The following CBFA2T2 variants were observed in gnomAD, a reference collection of about 807,000 sequenced individuals.
CBFA2T2 encodes the protein protein CBFA2T2.
Under a neutral mutation model 62.2 loss-of-function variants are expected in CBFA2T2, and 11 were observed. The observed-to-expected ratio is 0.18, with a 90% CI of 0.11 to 0.29. The LOEUF (loss-of-function observed/expected upper bound fraction) is 0.29, where lower values mean the gene tolerates loss of function less well. CBFA2T2 is among the 10% of genes least tolerant of loss of function. The pLI is 1.00. For synonymous variants in CBFA2T2, 295 were observed against 287.5 expected (o/e 1.03, Z -0.27); for missense variants, 592 against 774.1 (o/e 0.76, Z 2.79).
At chr20:33,610,349 C>T (rs1025764765) in intron 2 of CBFA2T2, among the ~76,000 whole-genome samples, 9 of 152,144 alleles carry the variant, frequency 5.9e-5, no homozygotes, top group East Asian at 1.9e-4. Context: ...GGGTTGTTTT[C>T]GAAATTAAAA....
intron 1 of CBFA2T2, among the ~76,000 whole-genome samples, chr20:33,533,293 C>T (rs1386568945): frequency 6.6e-6 from 1 of 152,148 alleles, no homozygotes; most frequent in Non-Finnish European, 1.5e-5. Context: ...CTCCCATGCT[C>T]CCCCTGCCCT....
intron 1 of CBFA2T2, among the ~76,000 whole-genome samples, chr20:33,590,947 G>A (rs1045420151): frequency 6.6e-6 from 1 of 152,068 alleles, no homozygotes; most frequent in African/African-American, 2.4e-5. Flanking sequence ...GGCCGAGGCA[G>A]GCAGATCACT....
At chr20:33,633,704 C>T (rs1378489151) in intron 8 of CBFA2T2, among the ~76,000 whole-genome samples, 1 of 152,052 alleles carries the variant, frequency 6.6e-6, no homozygotes, top group East Asian at 1.9e-4. Context: ...TTTCCTCTGG[C>T]TGTGTGGGTG....
chr20:33,627,541 C>G (rs1175193833), intron 6 of CBFA2T2, among the ~76,000 whole-genome samples: 1 of 152,124 alleles, frequency 6.6e-6, no homozygotes, highest in African/African-American at 2.4e-5. Flanking sequence ...TGGGGTCTCA[C>G]TATATTGCCC....
At chr20:33,514,821 C>G (rs924331931) in intron 1 of CBFA2T2, among the ~76,000 whole-genome samples, 1 of 151,792 alleles carries the variant, frequency 6.6e-6, no homozygotes, top group Non-Finnish European at 1.5e-5. Flanking sequence ...CTCGGCCTCC[C>G]GAGTAGCTGG....
intron 1 of CBFA2T2, among the ~76,000 whole-genome samples, chr20:33,508,817 C>A (rs2011452036): frequency 6.6e-6 from 1 of 152,126 alleles, no homozygotes; most frequent in Admixed American, 6.6e-5. Flanking sequence ...CTTCTGCTAT[C>A]AGAAGTAGGA....
chr20:33,602,916 C>T (rs1215199891), intron 1 of CBFA2T2, among the ~76,000 whole-genome samples: 1 of 152,160 alleles, frequency 6.6e-6, no homozygotes, highest in Non-Finnish European at 1.5e-5. Flanking sequence ...GACAGTTCAT[C>T]TGATGGTAAC....
chr20:33,537,183 T>C (rs2012280026), intron 1 of CBFA2T2, among the ~76,000 whole-genome samples: 1 of 152,196 alleles, frequency 6.6e-6, no homozygotes. Context: ...GCCACTGCAT[T>C]CAGCCTGGGC....
rs2017173836 is a variant in CBFA2T2, at chr20:33,649,464, G to A, written c.*4818G>A. 6.6e-6 allele frequency: 1 copy of A among 152,648 alleles called. No individual in the cohort carries two copies. Among genetic ancestry groups the A allele is most frequent in the South Asian group, 2.1e-4 (1 of 4,824 alleles). The allele number at this position is 152,648 out of a possible 1,614,324, so 9.5% of individuals were successfully genotyped here. A position where few individuals can be genotyped will look rare whatever the true frequency, so the allele number is the denominator to read the frequency against. On this transcript the variant is annotated 3_prime_UTR_variant, in exon 11 of 11. Coordinates refer to ENST00000342704, the MANE Select transcript of CBFA2T2 (RefSeq NM_001032999.3). ...CTTTTCCATCGTGAGCTAAGAGAAG[G>A]TTAGGAGGCCTGAGGGGCGGGCCTT... is the stretch of plus-strand genomic sequence containing the variant.
chr20:33,554,243 TC>T lies in CBFA2T2; in HGVS notation c.35-52712del, dbSNP rs2012822041. Among the ~76,000 whole-genome samples, 13 of 151,996 alleles carry T rather than the reference TC, an allele frequency of 8.6e-5. No individual in the cohort carries two copies. In the South Asian group the frequency reaches 2.7e-3, roughly 32 times the overall value. ...CACTATAAGCACCAGTGTTTATTTTTCTTACTTTTTTCTTTTTTTTTTTTTT... is the reference window on the plus strand; with the variant it reads ...CACTATAAGCACCAGTGTTTATTTTTTTACTTTTTTCTTTTTTTTTTTTTT... On this transcript the variant is annotated intron_variant, in intron 1 of 10. Transcript: ENST00000342704.
At chr20:33,549,308 TG>T (rs1461814628) in intron 1 of CBFA2T2, among the ~76,000 whole-genome samples, 3 of 152,114 alleles carry the variant, frequency 2.0e-5, no homozygotes, top group African/African-American at 7.2e-5. Context: ...TTTGAACTTG[TG>T]TAGATTGTTC....
intron 8 of CBFA2T2, among the ~76,000 whole-genome samples, chr20:33,636,338 C>T (rs1181017290): frequency 2.6e-5 from 4 of 151,236 alleles, no homozygotes; most frequent in Non-Finnish European, 4.4e-5. Flanking sequence ...CCTTAAAAAC[C>T]GATGTTTATA....
chr20:33,535,670 A>AT lies in CBFA2T2; in HGVS notation c.34+45372dup, dbSNP rs754354615. On this transcript the variant is annotated intron_variant, in intron 1 of 10. Transcript: ENST00000342704. ...ATATTTATTTATTTTATTTTATTTT[A>AT]TTTATTTATTTATTTTTAATTGATC... Among the ~76,000 whole-genome samples the AT allele has an allele frequency of 6.4e-3, 689 of 107,700 alleles. 1 individual carries two copies. The highest frequency in any genetic ancestry group is 9.4e-3 in the Non-Finnish European group (485 of 51,414). 70.7% of individuals were successfully genotyped at this position (107,700 alleles called of 152,430 possible).
At chr20:33,605,061 G>A (rs2015288492) in intron 1 of CBFA2T2, among the ~76,000 whole-genome samples, 1 of 152,164 alleles carries the variant, frequency 6.6e-6, no homozygotes, top group Non-Finnish European at 1.5e-5. Context: ...TTTTGTCAGG[G>A]GATTTGTAAC....
At chr20:33,566,336 T>C (rs563992658) in intron 1 of CBFA2T2, among the ~76,000 whole-genome samples, 70 of 152,308 alleles carry the variant, frequency 4.6e-4, no homozygotes, top group African/African-American at 1.5e-3. Context: ...TGGGCGCCAG[T>C]AGCTCACACC....
At chr20:33,640,647 G>A in intron 10 of CBFA2T2, 116 bp downstream of exon 10, 1 of 897,660 alleles carries the variant, frequency 1.1e-6, no homozygotes, top group South Asian at 1.8e-5. Flanking sequence ...GCTCAATGAG[G>A]ATAATTTTTA....
intron 8 of CBFA2T2, among the ~76,000 whole-genome samples, chr20:33,635,745 G>A (rs1423220429): frequency 6.6e-6 from 1 of 152,074 alleles, no homozygotes; most frequent in East Asian, 1.9e-4. Flanking sequence ...GGTCATGGTG[G>A]TACATGCCTA....
chr20:33,623,257 T>C lies in CBFA2T2; in HGVS notation c.653T>C (p.Met218Thr), dbSNP rs751472025. ...CCTGCTGACTCGTCAGAGTTGCTCA[T>C]GGAGGTGCACGGAAATGGGAAGAGG... ...ASPADSSELL[M>T]EVHGNGKRPS... The change falls in exon 5 of 11, where the codon ATG becomes ACG. Residue 218 changes from methionine (M) to threonine (T), a missense_variant. Around this residue, in one of 3 missense-constraint regions of CBFA2T2, gnomAD observed 449 missense variants for 551.2 expected, o/e 0.81. Transcript: ENST00000342704. 3.7e-6 allele frequency: 6 copies of C among 1,614,206 alleles called. No individual in the cohort carries two copies. The Admixed American group carries it at 1.0e-4, about 27-fold the overall frequency.
chr20:33,644,452 C>T lies in CBFA2T2; in HGVS notation c.1594C>T (p.Arg532Cys), dbSNP rs1432697508. ...GCACAAGGACTGGGAGCGGCACCAC[C>T]GCCTCTGTGGTCAGAACCTGCATGG... ...CQHKDWERHH[R>C]LCGQNLHGQS... Residue 532 changes from arginine to cysteine, a missense_variant, in exon 11 of 11, where the codon CGC (arginine) becomes TGC (cysteine). Arg to Cys is a radical substitution (Grantham distance 180). Around this residue, in one of 3 missense-constraint regions of CBFA2T2, gnomAD observed 85 missense variants for 99.0 expected, o/e 0.86. Coordinates refer to ENST00000342704, the MANE Select transcript of CBFA2T2 (RefSeq NM_001032999.3). 4 of 1,614,126 alleles carry T rather than the reference C, an allele frequency of 2.5e-6. No individual in the cohort carries two copies. Among genetic ancestry groups the T allele is most frequent in the African/African-American group, 1.3e-5 (1 of 74,944 alleles).
Sources: allele counts gnomAD v4.1 joint callset (sites outside exome capture counted in the v4.1 genomes callset), GRCh38; gene constraint gnomAD v4.1.1; regional missense constraint gnomAD v4.1.1; transcripts MANE v1.5; gene names NCBI Gene and HGNC (gene_info 2026-07-23, HGNC 2026-07-21).